Variants in CSMD1 observed in about 807,000 individuals in gnomAD.
CSMD1 encodes CUB and sushi domain-containing protein 1.
In CSMD1, 213 loss-of-function variants were observed where a neutral mutation model predicts 417.5. That is an observed-to-expected ratio of 0.51 (90% CI 0.46 to 0.57). The LOEUF (loss-of-function observed/expected upper bound fraction) is 0.57, where lower values mean the gene tolerates loss of function less well. CSMD1 is among the 20% of genes least tolerant of loss of function. The pLI is 0.00. For synonymous variants in CSMD1, 2,862 were observed against 1,736.8 expected (o/e 1.65, Z -16.11); for missense variants, 6,923 against 4,529.7 (o/e 1.53, Z -15.17).
intron 26 of CSMD1, among the ~76,000 whole-genome samples, chr8:3,275,981 T>C (rs1178895452): frequency 6.6e-6 from 1 of 152,226 alleles, no homozygotes; most frequent in Non-Finnish European, 1.5e-5. Flanking sequence ...AGGAACTGTG[T>C]TCCTTTGGAG....
chr8:4,013,768 G>T (rs1298974545), intron 4 of CSMD1, among the ~76,000 whole-genome samples: 1 of 152,158 alleles, frequency 6.6e-6, no homozygotes, highest in Admixed American at 6.5e-5. Context: ...CCAGTATCTG[G>T]TTTTATACAT....
chr8:3,799,575 A>G (rs1415360044), intron 5 of CSMD1, among the ~76,000 whole-genome samples: 1 of 151,638 alleles, frequency 6.6e-6, no homozygotes. Context: ...ATCATTTGAA[A>G]CTGAATACAT....
chr8:4,156,266 G>C (rs979319309), intron 3 of CSMD1, among the ~76,000 whole-genome samples: 1 of 152,108 alleles, frequency 6.6e-6, no homozygotes, highest in Admixed American at 6.5e-5. Flanking sequence ...TTTAATTATG[G>C]CTAAAGAGTT....
intron 2 of CSMD1, among the ~76,000 whole-genome samples, chr8:4,510,896 T>C (rs1802787907): frequency 7.4e-6 from 1 of 135,960 alleles, no homozygotes; most frequent in Admixed American, 7.6e-5. Context: ...CCTTCCTTCC[T>C]CTCTTCCTCC....
intron 1 of CSMD1, among the ~76,000 whole-genome samples, chr8:4,646,115 T>C (rs1372609902): frequency 4.6e-5 from 7 of 152,214 alleles, no homozygotes; most frequent in Non-Finnish European, 8.8e-5. Flanking sequence ...GAGCTTATAT[T>C]TCAATAATGC....
chr8:4,013,227 C>T (rs1796363608), intron 4 of CSMD1, among the ~76,000 whole-genome samples: 2 of 152,094 alleles, frequency 1.3e-5, no homozygotes, highest in South Asian at 4.1e-4. Flanking sequence ...GGGACCTTTC[C>T]CCTCTCCTAT....
chr8:4,062,054 G>A (rs1030121549), intron 3 of CSMD1, among the ~76,000 whole-genome samples: 4 of 152,266 alleles, frequency 2.6e-5, no homozygotes, highest in East Asian at 3.9e-4. Context: ...CAGAGTGCCA[G>A]CTGCCGTGGT....
chr8:2,949,742 G>C (rs1802498383), intron 67 of CSMD1, among the ~76,000 whole-genome samples: 3 of 152,114 alleles, frequency 2.0e-5, no homozygotes, highest in Non-Finnish European at 2.9e-5. Flanking sequence ...CCCAGCTATT[G>C]GGCAGGGTAC....
chr8:4,390,952 C>G (rs1803809074), intron 3 of CSMD1, among the ~76,000 whole-genome samples: 1 of 152,304 alleles, frequency 6.6e-6, no homozygotes, highest in Non-Finnish European at 1.5e-5. Flanking sequence ...CAAAGACACA[C>G]AAATACTTAA....
At chr8:3,787,005 C>T (rs1196023012) in intron 5 of CSMD1, among the ~76,000 whole-genome samples, 1 of 152,120 alleles carries the variant, frequency 6.6e-6, no homozygotes. Context: ...AGCTGAGGGT[C>T]AGGATCTGAA....
chr8:4,223,286 C>A (rs1173425906), intron 3 of CSMD1, among the ~76,000 whole-genome samples: 1 of 152,146 alleles, frequency 6.6e-6, no homozygotes, highest in East Asian at 1.9e-4. Context: ...AGACTTTTTG[C>A]CTCGAAATTC....
intron 3 of CSMD1, among the ~76,000 whole-genome samples, chr8:4,088,887 TC>T (rs1800569741): frequency 6.6e-6 from 1 of 151,830 alleles, no homozygotes; most frequent in Non-Finnish European, 1.5e-5. Context: ...CCCGCAATCT[TC>T]CCCCTCTACT....
At chr8:4,398,344 A>G (rs1804398687) in intron 3 of CSMD1, among the ~76,000 whole-genome samples, 1 of 151,414 alleles carries the variant, frequency 6.6e-6, no homozygotes, top group Admixed American at 6.6e-5. Context: ...GATAGCTTTA[A>G]AAGTTTTTAA....
At chr8:3,572,258 G>T (rs960953144) in intron 10 of CSMD1, among the ~76,000 whole-genome samples, 1 of 152,186 alleles carries the variant, frequency 6.6e-6, no homozygotes, top group Non-Finnish European at 1.5e-5. Flanking sequence ...GAAGACTCCT[G>T]CAGGCTTTGC....
intron 1 of CSMD1, among the ~76,000 whole-genome samples, chr8:4,953,515 A>G (rs573066019): frequency 6.6e-6 from 1 of 152,270 alleles, no homozygotes; most frequent in African/African-American, 2.4e-5. Context: ...GTGGCAAGTT[A>G]TGTAACTTGA....
intron 3 of CSMD1, among the ~76,000 whole-genome samples, chr8:4,375,193 T>C (rs67606353): frequency 0.036 from 5,520 of 152,124 alleles, 123 homozygotes; most frequent in Middle Eastern, 0.054. Flanking sequence ...ATGGAGTGTT[T>C]TCAAGTCTTT....
In CSMD1 at chr8:4,072,220, C is replaced by T. The variant is rs182061974; in HGVS notation, c.416-40121G>A. Among the ~76,000 whole-genome samples the T allele has an allele frequency of 3.3e-5, 5 of 152,232 alleles. No individual in the cohort carries two copies. The East Asian group carries it at 7.7e-4, about 24-fold the overall frequency. On this transcript the variant is annotated intron_variant, in intron 3 of 69. Coordinates refer to ENST00000635120, the MANE Select transcript of CSMD1 (RefSeq NM_033225.6). The stretch of plus-strand genomic sequence containing the variant: ...TACGTATTTATTTTTATATTTCATC[C>T]ACAGTTGCAAGTGAAGAAGGGTTGA...
chr8:3,149,692 G>C (rs1329252105), intron 40 of CSMD1, among the ~76,000 whole-genome samples: 1 of 152,166 alleles, frequency 6.6e-6, no homozygotes, highest in Non-Finnish European at 1.5e-5. Flanking sequence ...TGGCCAGGAT[G>C]ATCTCGATCT....
chr8:3,754,433 C>CTTAT (rs34887868), intron 5 of CSMD1, among the ~76,000 whole-genome samples: 61,070 of 145,216 alleles, frequency 0.42, 13,396 homozygotes, highest in Non-Finnish European at 0.51. Context: ...TTAGTAATTC[C>CTTAT]TTATTTATTT....
Sources: allele counts gnomAD v4.1 joint callset (sites outside exome capture counted in the v4.1 genomes callset), GRCh38; gene constraint gnomAD v4.1.1; transcripts MANE v1.5; gene names NCBI Gene and HGNC (gene_info 2026-07-23, HGNC 2026-07-21).